The following WASHC2C variants were observed in gnomAD, a reference collection of about 807,000 sequenced individuals.
WASHC2C encodes the protein Vaccinia Penetration Factor.
Under a neutral mutation model 142.2 loss-of-function variants are expected in WASHC2C, and 73 were observed. That is an observed-to-expected ratio of 0.51 (90% CI 0.43 to 0.62). The LOEUF (loss-of-function observed/expected upper bound fraction) is 0.62. Among genes scored for constraint, WASHC2C ranks in the 20% least tolerant of loss-of-function variants. The pLI is 0.00. For synonymous variants in WASHC2C, 337 were observed against 565.5 expected (o/e 0.60, Z 5.73); for missense variants, 969 against 1,531.7 (o/e 0.63, Z 6.13).
chr10:45,787,578 C>T (rs1234414003), intron 28 of WASHC2C, among the ~76,000 whole-genome samples: 6 of 150,400 alleles, frequency 4.0e-5, no homozygotes, highest in African/African-American at 9.8e-5. Context: ...CTCCTGCTGG[C>T]GCTTCCTCAC....
At chr10:45,783,413 T>C (rs1169010500) in intron 23 of WASHC2C, among the ~76,000 whole-genome samples, 1 of 152,214 alleles carries the variant, frequency 6.6e-6, no homozygotes, top group African/African-American at 2.4e-5. Context: ...GTTAATGTGA[T>C]TTATTTTGTT....
Position 45,749,836 on chromosome 10 carries a change from AAT to A in WASHC2C, c.733-241_733-240del, listed in dbSNP as rs1554873239. Among the ~76,000 whole-genome samples, 36 of 101,762 alleles carry A rather than the reference AAT, an allele frequency of 3.5e-4. 1 individual carries two copies. The highest frequency in any genetic ancestry group is 7.0e-4 in the South Asian group (2 of 2,876). 66.8% of individuals were successfully genotyped at this position (101,762 alleles called of 152,430 possible). A position where few individuals can be genotyped will look rare whatever the true frequency, so the allele number is the denominator to read the frequency against. ...GCAAGACTCCATCTCAAAAAAAAAA[AAT>A]ATATATATATATATATATTTATATA... is the stretch of plus-strand genomic sequence containing the variant. On this transcript the variant is annotated intron_variant, in intron 8 of 30. Transcript: ENST00000623400.
At chr10:45,738,561 C>T (rs2051570172) in intron 4 of WASHC2C, among the ~76,000 whole-genome samples, 1 of 151,606 alleles carries the variant, frequency 6.6e-6, no homozygotes, top group Non-Finnish European at 1.5e-5. Flanking sequence ...ATATGGATCA[C>T]CTGTAAAGGT....
intron 26 of WASHC2C, 77 bp downstream of exon 26, chr10:45,785,708 G>A (rs1554889819): frequency 4.3e-6 from 7 of 1,609,464 alleles, no homozygotes; most frequent in African/African-American, 2.7e-5. Flanking sequence ...CAGACCCACA[G>A]TTATTTAGAC....
chr10:45,765,507 A>G (rs1168248288), intron 18 of WASHC2C, among the ~76,000 whole-genome samples, 172 bp from the exon 19 acceptor site: 1 of 148,830 alleles, frequency 6.7e-6, no homozygotes, highest in Non-Finnish European at 1.5e-5. Flanking sequence ...CTATGGGTGC[A>G]GTGAGAAAAG....
At chr10:45,738,522 CT>C (rs1554865828) in intron 4 of WASHC2C, among the ~76,000 whole-genome samples, 1 of 150,596 alleles carries the variant, frequency 6.6e-6, no homozygotes, top group Non-Finnish European at 1.5e-5. Flanking sequence ...ATTGGAGTAG[CT>C]TTGATTTTGT....
intron 2 of WASHC2C, 37 bp downstream of exon 2, chr10:45,727,576 G>A (rs2050011224): frequency 6.5e-7 from 1 of 1,542,612 alleles, no homozygotes. Flanking sequence ...GAGCGGCAGG[G>A]GTGACGCTTG....
At chr10:45,763,348 A>T (rs1185997665) in intron 17 of WASHC2C, 40 bp from the exon 18 acceptor site, 1 of 625,062 alleles carries the variant, frequency 1.6e-6, no homozygotes, top group Non-Finnish European at 2.9e-6. Context: ...TTAAAAACTG[A>T]TATTCCTGTT....
chr10:45,773,821 T>TA (rs2056831789), intron 21 of WASHC2C, among the ~76,000 whole-genome samples: 6 of 144,242 alleles, frequency 4.2e-5, no homozygotes, highest in East Asian at 2.0e-4. Context: ...ACAGTTAGAC[T>TA]GTGGAATACT....
At chr10:45,779,636 A>G (rs1426989949) in intron 23 of WASHC2C, among the ~76,000 whole-genome samples, 4 of 152,156 alleles carry the variant, frequency 2.6e-5, no homozygotes, top group Non-Finnish European at 4.4e-5. Context: ...AAACAGCCCT[A>G]GGAAACATGA....
chr10:45,750,831 G>A lies in WASHC2C; in HGVS notation c.924G>A (p.Glu308=), dbSNP rs201380323. ...ATGCCATGGGTCGAGTGGACGAGGA[G>A]CCGACAAGTGAGCCCCAGCCACGTT... ...KGDAMGRVDE[E]PTTLPSGEAK... Residue 308 remains glutamate, a synonymous_variant, in exon 10 of 31, where the codon GAG becomes GAA. Coordinates refer to ENST00000623400, the MANE Select transcript of WASHC2C (RefSeq NM_001330074.2). The A allele has an allele frequency of 1.3e-6, 2 of 1,548,270 alleles. No individual in the cohort carries two copies. The highest frequency in any genetic ancestry group is 2.0e-5 in the Admixed American group (1 of 50,956).
At chr10:45,736,067 T>C (rs1433269975) in intron 3 of WASHC2C, among the ~76,000 whole-genome samples, 29 of 150,424 alleles carry the variant, frequency 1.9e-4, no homozygotes, top group Admixed American at 1.1e-3. Flanking sequence ...TCAAGGAGTT[T>C]GAGACCAGTC....
chr10:45,746,477 A>T (rs2052846194), intron 7 of WASHC2C, 123 bp from the exon 8 acceptor site: 3 of 1,151,774 alleles, frequency 2.6e-6, no homozygotes, highest in Admixed American at 3.4e-5. Flanking sequence ...AAAGAGACTG[A>T]GTGTCAGAGC....
chr10:45,730,957 T>G (rs1221301424), intron 3 of WASHC2C, among the ~76,000 whole-genome samples: 1 of 150,918 alleles, frequency 6.6e-6, no homozygotes, highest in Non-Finnish European at 1.5e-5. Context: ...CTGTACCAGA[T>G]TGGTACTAGA....
intron 29 of WASHC2C, 112 bp downstream of exon 29, chr10:45,789,603 C>T (rs1486983418): frequency 1.3e-6 from 2 of 1,500,996 alleles, no homozygotes; most frequent in African/African-American, 2.8e-5. Flanking sequence ...CCCATAGCCA[C>T]TTGCTTAGTA....
At chr10:45,780,774 A>G (rs1219154802) in intron 23 of WASHC2C, among the ~76,000 whole-genome samples, 3 of 149,908 alleles carry the variant, frequency 2.0e-5, no homozygotes, top group East Asian at 2.0e-4. Context: ...TTTTTTTGCA[A>G]TGGAGTTTCA....
intron 26 of WASHC2C, 96 bp downstream of exon 26, chr10:45,785,727 A>C: frequency 6.2e-7 from 1 of 1,604,728 alleles, no homozygotes; most frequent in Non-Finnish European, 8.5e-7. Context: ...ACTTGTCTGC[A>C]TTAAGGAGGA....
intron 8 of WASHC2C, among the ~76,000 whole-genome samples, chr10:45,749,733 G>A (rs1378271947): frequency 6.7e-6 from 1 of 149,414 alleles, no homozygotes; most frequent in Non-Finnish European, 1.5e-5. Flanking sequence ...GGCCGAGGCA[G>A]GAGAATAGCA....
chr10:45,759,759 C>G (rs566417372), intron 17 of WASHC2C, among the ~76,000 whole-genome samples: 5 of 151,996 alleles, frequency 3.3e-5, no homozygotes, highest in African/African-American at 9.6e-5. Context: ...GCAGAAGTTG[C>G]AATGAACCGA....
Sources: gnomAD v4.1 joint callset for allele counts (sites outside exome capture counted in the v4.1 genomes callset) on GRCh38, gnomAD v4.1.1 for gene constraint, MANE v1.5 for transcripts, NCBI Gene and HGNC (gene_info 2026-07-23, HGNC 2026-07-21) for gene names.